Variants in FMN1 observed in about 807,000 individuals in gnomAD.
FMN1 encodes formin 1.
Under a neutral mutation model 132.4 loss-of-function variants are expected in FMN1, and 110 were observed. The observed-to-expected ratio is 0.83, with a 90% confidence interval of 0.71 to 0.97. The LOEUF (loss-of-function observed/expected upper bound fraction) is 0.97, where lower values mean the gene tolerates loss of function less well. Ranked by LOEUF, FMN1 falls within the 50% of genes least tolerant of loss-of-function variation. The pLI, the probability that FMN1 is intolerant of heterozygous loss-of-function variation, is 0.00. For missense variants in FMN1, 1,792 were observed against 1,705.3 expected (o/e 1.05, Z -0.90); for synonymous variants, 722 against 651.7 (o/e 1.11, Z -1.64).
chr15:32,999,988 C>T (rs1360607423), intron 7 of FMN1, among the ~76,000 whole-genome samples: 3 of 152,148 alleles, frequency 2.0e-5, no homozygotes, highest in African/African-American at 4.8e-5. Context: ...CTTTCCAGAG[C>T]TGCATCCCTT....
chr15:33,009,563 T>A (rs1480384314), intron 6 of FMN1, among the ~76,000 whole-genome samples: 1 of 152,222 alleles, frequency 6.6e-6, no homozygotes, highest in Non-Finnish European at 1.5e-5. Flanking sequence ...CTCAAAATCT[T>A]TGCTAATATT....
At chr15:33,112,995 A>G (rs2039770693) in intron 4 of FMN1, among the ~76,000 whole-genome samples, 1 of 152,230 alleles carries the variant, frequency 6.6e-6, no homozygotes, top group Non-Finnish European at 1.5e-5. Context: ...TGCTTTGACA[A>G]CAGTGTCTTC....
intron 17 of FMN1, among the ~76,000 whole-genome samples, chr15:32,854,678 C>T (rs774264311): frequency 5.9e-5 from 9 of 152,096 alleles, no homozygotes; most frequent in Non-Finnish European, 1.2e-4. Context: ...TTTGGGAGGC[C>T]GAGGCGGGTG....
At chr15:33,123,504 A>G (rs1290373317) in intron 4 of FMN1, among the ~76,000 whole-genome samples, 1 of 152,230 alleles carries the variant, frequency 6.6e-6, no homozygotes, top group Non-Finnish European at 1.5e-5. Context: ...TAAGTAATAA[A>G]TATGTCCTCA....
chr15:32,971,055 A>G (rs2140677129), intron 7 of FMN1, among the ~76,000 whole-genome samples: 1 of 152,312 alleles, frequency 6.6e-6, no homozygotes, highest in Non-Finnish European at 1.5e-5. Flanking sequence ...GTCTTGGCTT[A>G]GGCACTTGCG....
At chr15:33,113,671 CT>C (rs1163858336) in intron 4 of FMN1, among the ~76,000 whole-genome samples, 21 of 152,146 alleles carry the variant, frequency 1.4e-4, no homozygotes, top group African/African-American at 5.1e-4. Flanking sequence ...CACCACCCAC[CT>C]TCTGTTACTT....
At chr15:33,075,020 CAAAAAAA>C (rs57504432) in intron 5 of FMN1, among the ~76,000 whole-genome samples, 13 of 61,690 alleles carry the variant, frequency 2.1e-4, no homozygotes, top group Admixed American at 1.8e-3. Flanking sequence ...GATTCCATCT[CAAAAAAA>C]AAAAAAAAAA....
intron 7 of FMN1, among the ~76,000 whole-genome samples, chr15:32,970,116 TTTC>T (rs1450284207): frequency 1.3e-5 from 2 of 152,208 alleles, no homozygotes; most frequent in African/African-American, 4.8e-5. Flanking sequence ...AGTATGCCAT[TTTC>T]TTCTATTTAC....
chr15:32,819,635 A>G (rs1312626981), intron 17 of FMN1, among the ~76,000 whole-genome samples: 2 of 152,200 alleles, frequency 1.3e-5, no homozygotes, highest in Non-Finnish European at 2.9e-5. Flanking sequence ...CCTTCCCACA[A>G]AAAAATTTAA....
chr15:32,866,554 A>C (rs1029159433), intron 16 of FMN1, among the ~76,000 whole-genome samples: 25 of 152,158 alleles, frequency 1.6e-4, no homozygotes, highest in Non-Finnish European at 4.4e-5. Flanking sequence ...AACCTCACAA[A>C]CTCTTTGAAT....
intron 17 of FMN1, among the ~76,000 whole-genome samples, chr15:32,820,520 T>C (rs756381163): frequency 7.6e-4 from 103 of 134,976 alleles, no homozygotes; most frequent in African/African-American, 2.5e-3. Flanking sequence ...CCCCAACACA[T>C]ATATATATAT....
At chr15:32,887,366 G>C (rs1242677922) in intron 16 of FMN1, among the ~76,000 whole-genome samples, 1 of 152,032 alleles carries the variant, frequency 6.6e-6, no homozygotes, top group Non-Finnish European at 1.5e-5. Context: ...AAGCTCCAAG[G>C]CAAGTATTTA....
At chr15:33,115,072 C>G (rs866224419) in intron 4 of FMN1, among the ~76,000 whole-genome samples, 4 of 152,184 alleles carry the variant, frequency 2.6e-5, no homozygotes, top group Non-Finnish European at 4.4e-5. Flanking sequence ...GCTGATTAAG[C>G]ACCCACTATG....
intron 18 of FMN1, among the ~76,000 whole-genome samples, chr15:32,802,604 A>T (rs2057517324): frequency 6.6e-6 from 1 of 152,214 alleles, no homozygotes; most frequent in Non-Finnish European, 1.5e-5. Context: ...AACGCTGACA[A>T]CCAGAATTTA....
intron 5 of FMN1, chr15:33,067,620 G>A (rs2037805731): frequency 6.2e-7 from 1 of 1,613,958 alleles, no homozygotes; most frequent in South Asian, 1.1e-5. Context: ...CCGAGGTCAG[G>A]TGAAACCCGA....
At chr15:32,880,378 C>G (rs1326588848) in intron 16 of FMN1, among the ~76,000 whole-genome samples, 1 of 152,086 alleles carries the variant, frequency 6.6e-6, no homozygotes, top group East Asian at 1.9e-4. Flanking sequence ...AATCTCTTGT[C>G]CAAACGTTCA....
intron 16 of FMN1, among the ~76,000 whole-genome samples, chr15:32,858,136 G>C (rs930319183): frequency 1.3e-5 from 2 of 152,112 alleles, no homozygotes; most frequent in African/African-American, 4.8e-5. Context: ...TAAACACACA[G>C]GTAAGGTATT....
intron 16 of FMN1, among the ~76,000 whole-genome samples, chr15:32,879,310 C>T (rs1315769215): frequency 6.6e-6 from 1 of 152,224 alleles, no homozygotes; most frequent in African/African-American, 2.4e-5. Flanking sequence ...GGTCAGGACT[C>T]TGGCTAATGT....
intron 10 of FMN1, among the ~76,000 whole-genome samples, chr15:32,920,752 CAA>C (rs2060800668): frequency 6.6e-6 from 1 of 152,160 alleles, no homozygotes; most frequent in East Asian, 1.9e-4. Context: ...GCCAGAAACC[CAA>C]GGTACAGCCA....
Sources: allele counts gnomAD v4.1 joint callset (sites outside exome capture counted in the v4.1 genomes callset), GRCh38; gene constraint gnomAD v4.1.1; transcripts MANE v1.5; gene names NCBI Gene and HGNC (gene_info 2026-07-23, HGNC 2026-07-21).